RNF17: variants seen among roughly 807,000 people sequenced by gnomAD.
The protein encoded by RNF17 is ring finger protein 17.
A neutral mutation model predicts 200.5 loss-of-function variants in RNF17; 31 were observed. The observed-to-expected ratio is 0.15, with a 90% CI of 0.12 to 0.21. The LOEUF (loss-of-function observed/expected upper bound fraction) is 0.21, where lower values mean the gene tolerates loss of function less well. Among genes scored for constraint, RNF17 ranks in the 10% least tolerant of loss-of-function variants. The pLI, the probability that RNF17 is intolerant of heterozygous loss-of-function variation, is 1.00. For synonymous variants in RNF17, 606 were observed against 637.8 expected (o/e 0.95, Z 0.75); for missense variants, 1,628 against 1,905.1 (o/e 0.85, Z 2.71).
chr13:24,782,870 C>T (rs976541608), intron 6 of RNF17, among the ~76,000 whole-genome samples: 40 of 152,130 alleles, frequency 2.6e-4, no homozygotes, highest in African/African-American at 7.0e-4. Context: ...TTCACTCTCT[C>T]GATAATGTCC....
intron 2 of RNF17, among the ~76,000 whole-genome samples, chr13:24,772,288 A>G (rs1426053997): frequency 1.3e-5 from 2 of 152,186 alleles, no homozygotes; most frequent in Non-Finnish European, 2.9e-5. Flanking sequence ...GAATAAATTT[A>G]TGCTGAATTC....
intron 9 of RNF17, 50 bp from the exon 10 acceptor site, chr13:24,792,992 G>A: frequency 3.2e-6 from 4 of 1,243,928 alleles, no homozygotes; most frequent in Non-Finnish European, 4.5e-6. Flanking sequence ...ATTCATGGTT[G>A]TACCATATAC....
intron 18 of RNF17, among the ~76,000 whole-genome samples, chr13:24,840,373 G>T (rs1389844400): frequency 3.9e-5 from 6 of 152,174 alleles, no homozygotes; most frequent in African/African-American, 1.4e-4. Flanking sequence ...CCCACTGCTA[G>T]ATATCTACCC....
intron 6 of RNF17, among the ~76,000 whole-genome samples, chr13:24,782,612 G>GGA (rs1555265946): frequency 6.7e-4 from 102 of 151,602 alleles, no homozygotes; most frequent in Non-Finnish European, 1.3e-3. Flanking sequence ...AGATGGGGGG[G>GGA]GGATCTTTGA....
At chr13:24,835,242 C>G (rs1832302533) in intron 18 of RNF17, among the ~76,000 whole-genome samples, 1 of 152,034 alleles carries the variant, frequency 6.6e-6, no homozygotes, top group South Asian at 2.1e-4. Flanking sequence ...CCTACCCCCC[C>G]TGGTAGCTGA....
intron 11 of RNF17, among the ~76,000 whole-genome samples, chr13:24,797,032 A>G (rs1227760206): frequency 6.6e-6 from 1 of 152,198 alleles, no homozygotes; most frequent in East Asian, 1.9e-4. Flanking sequence ...TAGGATCATC[A>G]TATACTTTGA....
intron 15 of RNF17, 65 bp downstream of exon 15, chr13:24,804,494 A>G: frequency 8.1e-7 from 1 of 1,234,750 alleles, no homozygotes; most frequent in Non-Finnish European, 1.1e-6. Context: ...ATGTATAACA[A>G]GAATGAGTAT....
chr13:24,886,916 A>G, the RNF17 span, among the ~76,000 whole-genome samples: 2 of 152,206 alleles, frequency 1.3e-5, no homozygotes, highest in African/African-American at 2.4e-5. Flanking sequence ...TTGAACCCCC[A>G]AAGTATCTAC....
chr13:24,771,700 A>G (rs993629615), intron 2 of RNF17, among the ~76,000 whole-genome samples: 4 of 150,544 alleles, frequency 2.7e-5, no homozygotes, highest in Non-Finnish European at 5.9e-5. Context: ...ATATATCTTC[A>G]ATACTTACGT....
chr13:24,866,585 C>T (rs1893646914), intron 30 of RNF17, among the ~76,000 whole-genome samples: 2 of 152,190 alleles, frequency 1.3e-5, no homozygotes, highest in Non-Finnish European at 2.9e-5. Context: ...AAGGTTCATA[C>T]ATGTTGTATA....
At position 24,764,888 on chromosome 13, in the gene RNF17, G is replaced by GGGGTGTGT. The variant is rs899352115; in HGVS notation, c.130+556_130+557insGGTGTGTG. On this transcript the variant is annotated intron_variant, in intron 1 of 35. Coordinates refer to ENST00000255324, the MANE Select transcript of RNF17 (RefSeq NM_031277.3). ...ATAGTTTCTTTTGTGCACCTTGTGG[G>GGGGTGTGT]GTGTGTGTGTGTGTGTGTGTGTGTG... Among the ~76,000 whole-genome samples, 906 of 134,130 alleles carry GGGGTGTGT rather than the reference G, an allele frequency of 6.8e-3. 5 individuals are homozygous for GGGGTGTGT. The highest frequency in any genetic ancestry group is 9.3e-3 in the Non-Finnish European group (566 of 60,800). The allele number at this position is 134,130 out of a possible 152,430, so 88.0% of individuals were successfully genotyped here. A position where few individuals can be genotyped will look rare whatever the true frequency, so the allele number is the denominator to read the frequency against.
chr13:24,879,281 A>G lies in RNF17; in HGVS notation c.4868A>G (p.Glu1623Gly). 6.3e-7 allele frequency: 1 copy of G among 1,598,928 alleles called. No individual in the cohort carries two copies. The highest frequency in any genetic ancestry group is 1.3e-5 in the African/African-American group (1 of 74,696). The change falls in exon 35 of 36, where the codon GAA (glutamate) becomes GGA (glycine). Residue 1623 changes from glutamate (E) to glycine (G), a missense_variant. By Grantham distance (98) the Glu-to-Gly change is moderately conservative. Around this residue, in one of 5 missense-constraint regions of RNF17, gnomAD observed 609 missense variants for 681.9 expected, o/e 0.89. Coordinates refer to ENST00000255324, the MANE Select transcript of RNF17 (RefSeq NM_031277.3). ...GAAATGGGGCTTGCAGATAAAGATG[A>G]ATAAGTGCCTAAGTGTAAGTTCTCA... ...LVEMGLADKDE is the reference protein window; with the variant it reads ...LVEMGLADKDG
intron 16 of RNF17, among the ~76,000 whole-genome samples, chr13:24,826,756 G>T (rs1337851183): frequency 1.4e-5 from 2 of 147,792 alleles, no homozygotes; most frequent in Admixed American, 6.8e-5. Context: ...CTGGGCGACA[G>T]AGCAAGACTG....
chr13:24,758,271 T>TTTA, the RNF17 span, among the ~76,000 whole-genome samples: 1 of 152,224 alleles, frequency 6.6e-6, no homozygotes, highest in Non-Finnish European at 1.5e-5. Context: ...TATTCTTTAT[T>TTTA]GATTCCCCTG....
At chr13:24,816,738 A>T (rs1026936739) in intron 15 of RNF17, among the ~76,000 whole-genome samples, 3 of 152,328 alleles carry the variant, frequency 2.0e-5, no homozygotes, top group Middle Eastern at 3.4e-3. Context: ...GAGAGTGGCT[A>T]TCTTGGCAGG....
rs1344171691 is a variant in RNF17, at chr13:24,866,136, T to A, written c.4102-8T>A. 1 of 1,452,856 alleles carries A rather than the reference T, an allele frequency of 6.9e-7. No homozygotes were observed. Among genetic ancestry groups the A allele is most frequent in the Non-Finnish European group, 9.6e-7 (1 of 1,038,772 alleles). 90.0% of individuals were successfully genotyped at this position (1,452,856 alleles called of 1,614,324 possible). A position where few individuals can be genotyped will look rare whatever the true frequency, so the allele number is the denominator to read the frequency against. On this transcript the variant is annotated splice_region_variant and splice_polypyrimidine_tract_variant and intron_variant, in intron 29 of 35. Coordinates refer to ENST00000255324, the MANE Select transcript of RNF17 (RefSeq NM_031277.3). The stretch of plus-strand genomic sequence containing the variant: ...AAGGTGATTTTACTCAATACCATAT[T>A]ATTTCAGAAACCAAGATCAGATCAT...
At chr13:24,885,788 A>C in the RNF17 span, 1 of 746,152 alleles carries the variant, frequency 1.3e-6, no homozygotes, top group South Asian at 1.6e-5. Flanking sequence ...CCATTAGTTA[A>C]GGATGTCTTA....
At chr13:24,825,511 A>G (rs1351570746) in intron 15 of RNF17, 108 bp from the exon 16 acceptor site, 7 of 765,896 alleles carry the variant, frequency 9.1e-6, no homozygotes, top group African/African-American at 1.7e-5. Context: ...TTTACATTCA[A>G]TTCAAGTTTT....
In RNF17 at chr13:24,843,777, T is replaced by G; in HGVS notation, c.2637T>G (p.Ile879Met). Reference protein sequence around the residue: ...YILKDNSQKHIEVWDPSPEEI... With the variant: ...YILKDNSQKHMEVWDPSPEEI... ...TCAAAGATAATTCTCAAAAGCATAT[T>G]GAAGTTTGGGATCCTTCTCCAGAAG... is the stretch of plus-strand genomic sequence containing the variant. The change falls in exon 20 of 36, where the codon ATT becomes ATG. Residue 879 changes from isoleucine to methionine, a missense_variant. Physicochemically the swap from Ile to Met is conservative, Grantham distance 10 (BLOSUM62 1). Transcript: ENST00000255324. 6.2e-7 allele frequency: 1 copy of G among 1,605,048 alleles called. No homozygotes were observed. The highest frequency in any genetic ancestry group is 8.5e-7 in the Non-Finnish European group (1 of 1,174,616).
Sources: allele counts gnomAD v4.1 joint callset (sites outside exome capture counted in the v4.1 genomes callset), GRCh38; gene constraint gnomAD v4.1.1; regional missense constraint gnomAD v4.1.1; transcripts MANE v1.5; gene names NCBI Gene and HGNC (gene_info 2026-07-23, HGNC 2026-07-21).